DSCAM: variants seen among roughly 807,000 people sequenced by gnomAD.
DSCAM encodes the protein DS cell adhesion molecule.
In DSCAM, 47 loss-of-function variants were observed where a neutral mutation model predicts 217.7. That is an observed-to-expected ratio of 0.22 (90% CI 0.17 to 0.28). The LOEUF is 0.28. Ranked by LOEUF, DSCAM falls within the 10% of genes least tolerant of loss-of-function variation. The probability of loss-of-function intolerance (pLI) is 1.00; values close to 1 mark genes in which losing one functional copy is unlikely to be tolerated. For synonymous variants in DSCAM, 1,056 were observed against 1,015.3 expected, an observed-to-expected ratio of 1.04 and a Z score of -0.76; for missense variants, 2,080 against 2,618.3, an observed-to-expected ratio of 0.79 and a Z score of 4.49.
At chr21:40,656,794 T>C (rs954783616) in intron 3 of DSCAM, among the ~76,000 whole-genome samples, 2 of 152,134 alleles carry the variant, frequency 1.3e-5, no homozygotes, top group African/African-American at 4.8e-5. Flanking sequence ...AAGCAAGAAA[T>C]AGAAATCAAG....
At chr21:40,147,343 A>T (rs982996755) in intron 16 of DSCAM, among the ~76,000 whole-genome samples, 1 of 152,250 alleles carries the variant, frequency 6.6e-6, no homozygotes, top group Non-Finnish European at 1.5e-5. Flanking sequence ...ATCTGTTTGT[A>T]CAGGTAGAAA....
intron 3 of DSCAM, among the ~76,000 whole-genome samples, chr21:40,489,774 C>CAAAAAAAAAAAAAAAA (rs35247505): frequency 2.1e-5 from 1 of 47,178 alleles, no homozygotes; most frequent in African/African-American, 7.8e-5. Context: ...GACTCCGTCT[C>CAAAAAAAAAAAAAAAA]AAAAAAAAAA....
At chr21:40,135,340 T>C (rs1378485025) in intron 18 of DSCAM, among the ~76,000 whole-genome samples, 1 of 152,264 alleles carries the variant, frequency 6.6e-6, no homozygotes, top group East Asian at 1.9e-4. Flanking sequence ...TATGCATGCC[T>C]GCCTAGGTGC....
chr21:40,758,765 C>A (rs998903914), intron 1 of DSCAM, among the ~76,000 whole-genome samples: 3 of 151,994 alleles, frequency 2.0e-5, no homozygotes, highest in Admixed American at 6.6e-5. Flanking sequence ...GGGCCTCTAG[C>A]CCAAAACTTC....
At chr21:40,575,774 TAA>T (rs201921213) in intron 3 of DSCAM, among the ~76,000 whole-genome samples, 1 of 145,472 alleles carries the variant, frequency 6.9e-6, no homozygotes, top group Non-Finnish European at 1.5e-5. Flanking sequence ...CAAAATATAT[TAA>T]AAAAAAAAAC....
intron 1 of DSCAM, among the ~76,000 whole-genome samples, chr21:40,750,953 C>T (rs1287067756): frequency 6.6e-6 from 1 of 152,186 alleles, no homozygotes; most frequent in Non-Finnish European, 1.5e-5. Context: ...CATGCCCCTT[C>T]AGCTCTATGC....
chr21:40,133,104 C>G (rs1366007429), intron 19 of DSCAM, among the ~76,000 whole-genome samples: 1 of 152,236 alleles, frequency 6.6e-6, no homozygotes, highest in African/African-American at 2.4e-5. Context: ...GTTGCTCCTT[C>G]CTTTATTAAG....
At chr21:40,260,059 C>T (rs1438056196) in intron 11 of DSCAM, among the ~76,000 whole-genome samples, 1 of 152,154 alleles carries the variant, frequency 6.6e-6, no homozygotes, top group Non-Finnish European at 1.5e-5. Context: ...AATGCTTATC[C>T]TGTGTAGTCC....
At chr21:40,295,803 T>C (rs1475647633) in intron 10 of DSCAM, among the ~76,000 whole-genome samples, 1 of 152,156 alleles carries the variant, frequency 6.6e-6, no homozygotes, top group East Asian at 1.9e-4. Flanking sequence ...GCTGAAACAA[T>C]CTACACAAAA....
intron 3 of DSCAM, among the ~76,000 whole-genome samples, chr21:40,437,714 G>T (rs1274163695): frequency 6.6e-6 from 1 of 152,140 alleles, no homozygotes; most frequent in Non-Finnish European, 1.5e-5. Context: ...AGCCAGGCGT[G>T]GTGGTGGGCA....
chr21:40,481,343 A>G (rs1482117685), intron 3 of DSCAM, among the ~76,000 whole-genome samples: 1 of 151,974 alleles, frequency 6.6e-6, no homozygotes, highest in African/African-American at 2.4e-5. Context: ...CAAAAAAATT[A>G]GCCAGGCATG....
At chr21:40,394,770 G>A (rs562190144) in intron 3 of DSCAM, among the ~76,000 whole-genome samples, 116 of 152,282 alleles carry the variant, frequency 7.6e-4, no homozygotes, top group African/African-American at 2.6e-3. Flanking sequence ...CAGGGGAGAG[G>A]GAGATTTTCA....
intron 9 of DSCAM, among the ~76,000 whole-genome samples, chr21:40,297,006 A>G (rs1416183233): frequency 6.6e-6 from 1 of 152,148 alleles, no homozygotes; most frequent in African/African-American, 2.4e-5. Context: ...GGCAATCGAG[A>G]ATACAATGTG....
At chr21:40,636,226 AC>A (rs2089756420) in intron 3 of DSCAM, among the ~76,000 whole-genome samples, 1 of 152,064 alleles carries the variant, frequency 6.6e-6, no homozygotes, top group Non-Finnish European at 1.5e-5. Flanking sequence ...CATAAGATGC[AC>A]GTGGTTCACG....
intron 1 of DSCAM, among the ~76,000 whole-genome samples, chr21:40,756,818 TGAG>T (rs1186086829): frequency 1.3e-5 from 2 of 152,142 alleles, no homozygotes; most frequent in Non-Finnish European, 2.9e-5. Context: ...GTTTTATAAA[TGAG>T]GAAGCTGAGG....
chr21:40,425,430 C>T (rs2075463200), intron 3 of DSCAM, among the ~76,000 whole-genome samples: 1 of 151,926 alleles, frequency 6.6e-6, no homozygotes, highest in Non-Finnish European at 1.5e-5. Context: ...GTGCAGCACA[C>T]CAACCTGGCG....
At chr21:40,402,542 G>C (rs755334760) in intron 3 of DSCAM, among the ~76,000 whole-genome samples, 4 of 151,952 alleles carry the variant, frequency 2.6e-5, no homozygotes, top group Non-Finnish European at 4.4e-5. Flanking sequence ...TTTCCACGGG[G>C]AGTAAACTAT....
intron 1 of DSCAM, among the ~76,000 whole-genome samples, chr21:40,716,115 T>C (rs1459121453): frequency 6.6e-6 from 1 of 152,238 alleles, no homozygotes; most frequent in Non-Finnish European, 1.5e-5. Flanking sequence ...CTTCTCCTTA[T>C]ATTTTTAAAG....
chr21:40,211,849 C>G (rs966660851), intron 11 of DSCAM, among the ~76,000 whole-genome samples: 4 of 152,088 alleles, frequency 2.6e-5, no homozygotes, highest in African/African-American at 9.7e-5. Flanking sequence ...TTGTAAACTG[C>G]TTGAGGTTAA....
Sources: allele counts gnomAD v4.1 joint callset (sites outside exome capture counted in the v4.1 genomes callset), GRCh38; gene constraint gnomAD v4.1.1; transcripts MANE v1.5; gene names NCBI Gene and HGNC (gene_info 2026-07-23, HGNC 2026-07-21).